CNTNAP5: variants seen among roughly 807,000 people sequenced by gnomAD.
The protein encoded by CNTNAP5 is contactin-associated protein-like 5.
A neutral mutation model predicts 150.2 loss-of-function variants in CNTNAP5; 72 were observed. The ratio of observed to expected loss-of-function variants is 0.48; its 90% CI spans 0.40 to 0.58. The LOEUF (loss-of-function observed/expected upper bound fraction) is 0.58, where lower values mean the gene tolerates loss of function less well. Among genes scored for constraint, CNTNAP5 ranks in the 20% least tolerant of loss-of-function variants. The pLI is 0.00. For synonymous variants in CNTNAP5, 672 were observed against 619.8 expected (o/e 1.08, Z -1.25); for missense variants, 1,636 against 1,626.2 (o/e 1.01, Z -0.10).
At chr2:124,840,458 C>T (rs1823820) in intron 19 of CNTNAP5, among the ~76,000 whole-genome samples, 190 of 152,118 alleles carry the variant, frequency 1.2e-3, no homozygotes, top group African/African-American at 3.8e-3. Flanking sequence ...ATGTGAGCTC[C>T]ATGAAAGCAG....
At chr2:124,404,674 C>T (rs1027917212) in intron 3 of CNTNAP5, among the ~76,000 whole-genome samples, 13 of 152,160 alleles carry the variant, frequency 8.5e-5, no homozygotes, top group African/African-American at 2.4e-4. Context: ...GTGTCAATCC[C>T]GAGTAAGCTC....
chr2:124,173,233 A>G (rs773314570), intron 1 of CNTNAP5, among the ~76,000 whole-genome samples: 11 of 152,204 alleles, frequency 7.2e-5, no homozygotes, highest in Non-Finnish European at 1.2e-4. Context: ...GACACACAAC[A>G]ATAAATATTG....
chr2:124,245,087 T>C (rs1686984447), intron 3 of CNTNAP5, among the ~76,000 whole-genome samples: 1 of 152,194 alleles, frequency 6.6e-6, no homozygotes, highest in African/African-American at 2.4e-5. Context: ...ACCTCAAATG[T>C]CAACTTTGTC....
At chr2:124,346,916 C>CAAAAAAAAA (rs35078281) in intron 3 of CNTNAP5, among the ~76,000 whole-genome samples, 3 of 109,060 alleles carry the variant, frequency 2.8e-5, no homozygotes, top group Non-Finnish European at 3.6e-5. Flanking sequence ...ATTAAAAATA[C>CAAAAAAAAA]AAAAAAAAAA....
chr2:124,117,698 T>C (rs1466367658), intron 1 of CNTNAP5, among the ~76,000 whole-genome samples: 1 of 152,212 alleles, frequency 6.6e-6, no homozygotes, highest in Admixed American at 6.5e-5. Flanking sequence ...AGTACTTACC[T>C]ACTCTCCTGT....
intron 1 of CNTNAP5, among the ~76,000 whole-genome samples, chr2:124,148,956 A>C (rs1448021324): frequency 6.6e-6 from 1 of 152,146 alleles, no homozygotes; most frequent in Non-Finnish European, 1.5e-5. Context: ...ATAGGCACAC[A>C]CACTCAAATA....
chr2:124,064,690 C>G (rs1403275294), intron 1 of CNTNAP5, among the ~76,000 whole-genome samples: 1 of 152,076 alleles, frequency 6.6e-6, no homozygotes, highest in Admixed American at 6.6e-5. Flanking sequence ...TAATGTCTAC[C>G]TCTCCCATGT....
At chr2:124,258,597 C>T (rs1057275043) in intron 3 of CNTNAP5, among the ~76,000 whole-genome samples, 1 of 152,046 alleles carries the variant, frequency 6.6e-6, no homozygotes, top group Non-Finnish European at 1.5e-5. Context: ...CAAATTGTGG[C>T]CAGATGTACG....
chr2:124,187,314 T>C (rs1427901842), intron 1 of CNTNAP5, among the ~76,000 whole-genome samples: 1 of 152,198 alleles, frequency 6.6e-6, no homozygotes, highest in African/African-American at 2.4e-5. Context: ...CCAGAATCTT[T>C]GGGTAAACTA....
chr2:124,421,854 CT>C (rs1443609682), intron 4 of CNTNAP5, among the ~76,000 whole-genome samples: 2 of 152,196 alleles, frequency 1.3e-5, no homozygotes, highest in African/African-American at 4.8e-5. Context: ...AGTCACCTGC[CT>C]TCCTTCTTGT....
At chr2:124,574,484 T>C (rs972875664) in intron 11 of CNTNAP5, among the ~76,000 whole-genome samples, 4 of 152,222 alleles carry the variant, frequency 2.6e-5, no homozygotes, top group African/African-American at 7.2e-5. Flanking sequence ...ATCTTGTCTA[T>C]AGAAAGCACT....
At chr2:124,292,333 G>A (rs572377452) in intron 3 of CNTNAP5, among the ~76,000 whole-genome samples, 7 of 152,054 alleles carry the variant, frequency 4.6e-5, no homozygotes, top group South Asian at 4.1e-4. Flanking sequence ...AGAAAATTAC[G>A]ATTATTGAAA....
intron 12 of CNTNAP5, among the ~76,000 whole-genome samples, chr2:124,615,938 A>C (rs1677483753): frequency 6.6e-6 from 1 of 152,180 alleles, no homozygotes; most frequent in Admixed American, 6.5e-5. Context: ...TAATATTTTG[A>C]AAGAAATCCT....
intron 21 of CNTNAP5, among the ~76,000 whole-genome samples, chr2:124,870,378 T>C (rs2104726027): frequency 6.6e-6 from 1 of 152,252 alleles, no homozygotes; most frequent in Middle Eastern, 3.4e-3. Flanking sequence ...AGTGTTTGCC[T>C]GGCCTCTTTT....
chr2:124,117,635 C>G (rs1683459074), intron 1 of CNTNAP5, among the ~76,000 whole-genome samples: 1 of 152,066 alleles, frequency 6.6e-6, no homozygotes, highest in Non-Finnish European at 1.5e-5. Context: ...GTAAAAAAAG[C>G]CTTGTTCAGC....
chr2:124,096,088 C>G (rs1017462), intron 1 of CNTNAP5, among the ~76,000 whole-genome samples: 41,504 of 152,000 alleles, frequency 0.27, 6,132 homozygotes, highest in Admixed American at 0.36. Flanking sequence ...AAAAGTTATT[C>G]TAATATTTTC....
chr2:124,081,026 A>T (rs776305748), intron 1 of CNTNAP5, among the ~76,000 whole-genome samples: 13 of 152,168 alleles, frequency 8.5e-5, no homozygotes, highest in Non-Finnish European at 1.6e-4. Context: ...ACAGGCTTCA[A>T]AGTTCTTGTA....
chr2:124,598,613 C>T (rs1363430184), intron 11 of CNTNAP5, among the ~76,000 whole-genome samples: 2 of 150,570 alleles, frequency 1.3e-5, no homozygotes, highest in Non-Finnish European at 3.0e-5. Context: ...CTGTGCCCTG[C>T]CCCCAGAGGT....
rs151180000 is a variant in CNTNAP5, at chr2:124,529,364, C to G, written c.1649+1908C>G. Among the ~76,000 whole-genome samples the G allele has an allele frequency of 3.5e-3, 529 of 152,258 alleles. 1 individual carries two copies. Among genetic ancestry groups the G allele is most frequent in the Non-Finnish European group, 6.1e-3 (416 of 68,022 alleles). ...ATTGCATGAAAGTCATTGCCATGTA[C>G]TCTGCATCATTAGTTTTGTGTAATT... is the stretch of plus-strand genomic sequence containing the variant. On this transcript the variant is annotated intron_variant, in intron 10 of 23. Transcript: ENST00000682447.
Sources: allele counts gnomAD v4.1 joint callset (sites outside exome capture counted in the v4.1 genomes callset), GRCh38; gene constraint gnomAD v4.1.1; transcripts MANE v1.5; gene names NCBI Gene and HGNC (gene_info 2026-07-23, HGNC 2026-07-21).